Variants in YPEL2 observed in about 807,000 individuals in gnomAD.
YPEL2 encodes yippee like 2, also known as protein yippee-like 2.
YPEL2 carries 2 observed loss-of-function variants against 19.1 expected under a neutral mutation model. The ratio of observed to expected loss-of-function variants is 0.10; its 90% CI spans 0.04 to 0.33. YPEL2 has a LOEUF of 0.33. Ranked by LOEUF, YPEL2 falls within the 10% of genes least tolerant of loss-of-function variation. The pLI is 1.00. For missense variants in YPEL2, 66 were observed against 140.7 expected, an observed-to-expected ratio of 0.47 and a Z score of 2.68; for synonymous variants, 52 against 50.0, an observed-to-expected ratio of 1.04 and a Z score of -0.17.
intron 1 of YPEL2, among the ~76,000 whole-genome samples, chr17:59,336,879 C>A (rs2047701138): frequency 6.6e-6 from 1 of 152,176 alleles, no homozygotes; most frequent in Non-Finnish European, 1.5e-5. Context: ...TGACTGCTGC[C>A]CAACACCCAC....
intron 1 of YPEL2, among the ~76,000 whole-genome samples, chr17:59,336,034 G>A (rs1175227157): frequency 3.3e-5 from 5 of 152,128 alleles, no homozygotes; most frequent in South Asian, 2.1e-4. Flanking sequence ...TTGCCGACAC[G>A]GAAGCTTGAG....
intron 1 of YPEL2, among the ~76,000 whole-genome samples, chr17:59,340,951 G>A (rs2047726478): frequency 6.7e-6 from 1 of 149,032 alleles, no homozygotes; most frequent in Admixed American, 6.7e-5. Flanking sequence ...CTGACCTCAG[G>A]CTATCTGCCC....
intron 2 of YPEL2, among the ~76,000 whole-genome samples, chr17:59,382,600 A>G (rs995579980): frequency 2.0e-5 from 3 of 152,260 alleles, no homozygotes; most frequent in African/African-American, 7.2e-5. Flanking sequence ...TTGTAAGCAT[A>G]CAATTTTTAA....
At chr17:59,395,359 G>A (rs536117313) in intron 4 of YPEL2, among the ~76,000 whole-genome samples, 59 of 152,288 alleles carry the variant, frequency 3.9e-4, no homozygotes, top group African/African-American at 1.0e-3. Flanking sequence ...CCAGAACCCC[G>A]CAAGGGTACG....
chr17:59,392,507 GT>G (rs3063116), intron 4 of YPEL2, among the ~76,000 whole-genome samples: 248 of 103,170 alleles, frequency 2.4e-3, no homozygotes, highest in East Asian at 4.2e-3. Context: ...CTCAGGGCAC[GT>G]TTTTTTTTTT....
intron 1 of YPEL2, among the ~76,000 whole-genome samples, chr17:59,336,395 T>G (rs2047699016): frequency 6.6e-6 from 1 of 152,232 alleles, no homozygotes; most frequent in South Asian, 2.1e-4. Flanking sequence ...TTTGTTTTCT[T>G]CTAACAAATG....
rs1184457384 is a variant in YPEL2 at position 59,397,352 on chromosome 17, TA to T, written c.*165del. 4.3e-6 allele frequency: 2 copies of T among 463,526 alleles called. No homozygotes were observed. The highest frequency in any genetic ancestry group is 2.0e-5 in the African/African-American group (1 of 49,304). The allele number at this position is 463,526 out of a possible 1,614,324, so 28.7% of individuals were successfully genotyped here. Reference sequence around the variant, plus strand: ...CGCCATCTTTCTGGTGACCGGCCTCTAAATCGCTGTCTCTCTGTCTCTTTGC... The same window carrying T: ...CGCCATCTTTCTGGTGACCGGCCTCTAATCGCTGTCTCTCTGTCTCTTTGC... On this transcript the variant is annotated 3_prime_UTR_variant, in exon 5 of 5. Transcript: ENST00000312655.
chr17:59,397,528 C>G lies in YPEL2; in HGVS notation c.*338C>G, dbSNP rs1471205088. 5.3e-6 allele frequency: 1 copy of G among 188,382 alleles called. No individual in the cohort carries two copies. Among genetic ancestry groups the G allele is most frequent in the Non-Finnish European group, 1.1e-5 (1 of 92,266 alleles). 11.7% of individuals were successfully genotyped at this position (188,382 alleles called of 1,614,324 possible). A position where few individuals can be genotyped will look rare whatever the true frequency, so the allele number is the denominator to read the frequency against. On this transcript the variant is annotated 3_prime_UTR_variant, in exon 5 of 5. Transcript: ENST00000312655. ...GCCCATGCGAGAGCTGCCTGATGGC[C>G]TCTTGTCAGGAGAGCAGTGGCACGG... is the stretch of plus-strand genomic sequence containing the variant.
intron 2 of YPEL2, among the ~76,000 whole-genome samples, chr17:59,372,482 G>A (rs555719920): frequency 1.3e-5 from 2 of 152,320 alleles, no homozygotes; most frequent in African/African-American, 2.4e-5. Flanking sequence ...GGAGCAACAT[G>A]AAAGTGCTGG....
At chr17:59,376,963 A>G in intron 2 of YPEL2, among the ~76,000 whole-genome samples, 1 of 150,582 alleles carries the variant, frequency 6.6e-6, no homozygotes, top group African/African-American at 2.5e-5. Context: ...AAAAAAAAAA[A>G]AAAAAAAAAA....
In YPEL2 at chr17:59,353,662, C is replaced by A; in HGVS notation, c.117+136C>A. The A allele has an allele frequency of 1.4e-6, 1 of 739,424 alleles. No homozygotes were observed. The highest frequency in any genetic ancestry group is 2.4e-6 in the Non-Finnish European group (1 of 408,858). The allele number at this position is 739,424 out of a possible 1,614,324, so 45.8% of individuals were successfully genotyped here. On this transcript the variant is annotated intron_variant, in intron 2 of 4. Transcript: ENST00000312655. The surrounding 1 kb of genome is among the most constrained non-coding windows in gnomAD (Gnocchi z 4.8). ...AGGGAGGGCTGACCCACGTGACCGT[C>A]TCACTCAACTGAGAAAAACTCTGAG... is the stretch of plus-strand genomic sequence containing the variant.
At chr17:59,370,913 G>T (rs193254822) in intron 2 of YPEL2, among the ~76,000 whole-genome samples, 1 of 152,228 alleles carries the variant, frequency 6.6e-6, no homozygotes. Context: ...GTCAGGGGGA[G>T]TGACCCTGTG....
intron 1 of YPEL2, among the ~76,000 whole-genome samples, chr17:59,336,312 C>T (rs768346611): frequency 1.0e-3 from 157 of 152,182 alleles, no homozygotes; most frequent in Non-Finnish European, 2.1e-3. Flanking sequence ...TCCAAAAGCT[C>T]CATTGTTATT....
chr17:59,364,527 A>G (rs953881008), intron 2 of YPEL2, among the ~76,000 whole-genome samples: 1 of 152,138 alleles, frequency 6.6e-6, no homozygotes, highest in Non-Finnish European at 1.5e-5. Context: ...AGGCCATATA[A>G]CATAGCAGCT....
intron 2 of YPEL2, among the ~76,000 whole-genome samples, chr17:59,386,313 T>G (rs1598051107): frequency 1.4e-5 from 2 of 146,442 alleles, no homozygotes; most frequent in Non-Finnish European, 1.5e-5. Context: ...GGTGACAGAG[T>G]GGGACTCTCT....
intron 4 of YPEL2, among the ~76,000 whole-genome samples, chr17:59,395,693 AAGAAAAACCGATTG>A (rs1467731216): frequency 6.6e-6 from 1 of 152,162 alleles, no homozygotes. Context: ...TAGAAGCAGC[AAGAAAAACCGATTG>A]AGAAGGAGAC....
At chr17:59,345,406 C>A (rs1168599834) in intron 1 of YPEL2, 3 of 152,104 alleles carry the variant, frequency 2.0e-5, no homozygotes, top group African/African-American at 7.2e-5. Context: ...AAAGAGGTGT[C>A]TAGAAAATGA....
chr17:59,366,950 C>T, intron 2 of YPEL2, among the ~76,000 whole-genome samples: 1 of 152,144 alleles, frequency 6.6e-6, no homozygotes, highest in Middle Eastern at 3.2e-3. Flanking sequence ...AAACAAGAGG[C>T]CAACCTGCTC....
chr17:59,378,235 C>T (rs919453633), intron 2 of YPEL2, among the ~76,000 whole-genome samples: 3 of 152,086 alleles, frequency 2.0e-5, no homozygotes, highest in Admixed American at 1.3e-4. Flanking sequence ...ACTTCTGATA[C>T]CTTGTGACTG....
Sources: gnomAD v4.1 joint callset for allele counts (sites outside exome capture counted in the v4.1 genomes callset) on GRCh38, gnomAD v4.1.1 for gene constraint, Gnocchi (gnomAD v3.1) non-coding constraint, MANE v1.5 for transcripts, NCBI Gene and HGNC (gene_info 2026-07-23, HGNC 2026-07-21) for gene names.